TECPR2: variants seen among roughly 807,000 people sequenced by gnomAD.
The protein encoded by TECPR2 is tectonin beta-propeller repeat-containing protein 2.
TECPR2 carries 65 observed loss-of-function variants against 138.1 expected under a neutral mutation model. That is an observed-to-expected ratio of 0.47 (90% CI 0.39 to 0.58). The LOEUF (loss-of-function observed/expected upper bound fraction) is 0.58, where lower values mean the gene tolerates loss of function less well. TECPR2 is among the 20% of genes least tolerant of loss of function. TECPR2 has a pLI of 0.00. For missense variants in TECPR2, 1,553 were observed against 1,824.5 expected, an observed-to-expected ratio of 0.85 and a Z score of 2.71; for synonymous variants, 746 against 749.8, an observed-to-expected ratio of 0.99 and a Z score of 0.08.
At chr14:102,400,832 GACT>G (rs1316040222) in intron 2 of TECPR2, among the ~76,000 whole-genome samples, 3 of 151,874 alleles carry the variant, frequency 2.0e-5, no homozygotes, top group Non-Finnish European at 4.4e-5. Context: ...AGGAGTTCAA[GACT>G]AGCCTGGCCA....
intron 17 of TECPR2, among the ~76,000 whole-genome samples, chr14:102,493,068 C>T (rs1417593375): frequency 6.6e-6 from 1 of 152,272 alleles, no homozygotes; most frequent in Non-Finnish European, 1.5e-5. Flanking sequence ...TATCTGGAGA[C>T]CCCTCAGAGA....
rs570977702 is a variant in TECPR2, at chr14:102,496,472, G to A, written c.3790-507G>A. 5.1e-4 allele frequency among the ~76,000 whole-genome samples: 78 copies of A among 152,346 alleles called. No individual in the cohort carries two copies. In the Middle Eastern group the frequency reaches 0.014, roughly 27 times the overall value. Reference sequence around the variant, plus strand: ...GGCTGCCCAAGGACCAGGGCAGGGCGGCAGTCTTGTGCCGCGGCCTGGTCA... The same window carrying A: ...GGCTGCCCAAGGACCAGGGCAGGGCAGCAGTCTTGTGCCGCGGCCTGGTCA... On this transcript the variant is annotated intron_variant, in intron 17 of 19. Coordinates refer to ENST00000359520, the MANE Select transcript of TECPR2 (RefSeq NM_014844.5).
chr14:102,435,385 T>C (rs1889637474), intron 9 of TECPR2, among the ~76,000 whole-genome samples, 174 bp downstream of exon 9: 1 of 152,230 alleles, frequency 6.6e-6, no homozygotes, highest in South Asian at 2.1e-4. Context: ...ACAGGGACTA[T>C]GAATGGCTTG....
Position 102,449,633 on chromosome 14 carries a change from G to A in TECPR2, c.3080G>A (p.Ser1027Asn), listed in dbSNP as rs1567347061. Reference protein sequence around the residue: ...QGDDDHWWQVSITDYVVFDQC... With the variant: ...QGDDDHWWQVNITDYVVFDQC... ...TTGCTTGTCTCCTCCTTCCAGGTGA[G>A]CATCACGGACTATGTGGTGTTTGAC... The change falls in exon 14 of 20, where the codon AGC becomes AAC. Residue 1027 changes from serine to asparagine, a missense_variant. By Grantham distance (46) the Ser-to-Asn change is conservative. Transcript: ENST00000359520. The A allele has an allele frequency of 1.9e-6, 3 of 1,614,060 alleles. No individual in the cohort carries two copies. In the East Asian group the frequency reaches 6.7e-5, roughly 36 times the overall value.
Position 102,484,201 on chromosome 14 carries a change from T to C in TECPR2, c.3790-12778T>C, listed in dbSNP as rs145730376. 2.6e-5 allele frequency among the ~76,000 whole-genome samples: 4 copies of C among 152,266 alleles called. No homozygotes were observed. The East Asian group carries it at 7.7e-4, about 29-fold the overall frequency. On this transcript the variant is annotated intron_variant, in intron 17 of 19. Transcript: ENST00000359520. Reference sequence around the variant, plus strand: ...TTTTATCCTGCTTTCTAGAAGACATTCTCAACCTTATTTCTCCAACCCTCT... The same window carrying C: ...TTTTATCCTGCTTTCTAGAAGACATCCTCAACCTTATTTCTCCAACCCTCT...
intron 6 of TECPR2, among the ~76,000 whole-genome samples, chr14:102,426,048 C>T (rs1467329536): frequency 1.3e-5 from 2 of 151,148 alleles, no homozygotes; most frequent in Non-Finnish European, 2.9e-5. Context: ...CCACGCCTGG[C>T]TAATTTTTTT....
intron 16 of TECPR2, among the ~76,000 whole-genome samples, chr14:102,453,104 TAGG>T (rs1890189423): frequency 1.3e-5 from 2 of 152,320 alleles, no homozygotes; most frequent in South Asian, 4.1e-4. Flanking sequence ...CAGCCAGATA[TAGG>T]AGGACCTGCA....
intron 2 of TECPR2, among the ~76,000 whole-genome samples, chr14:102,389,140 A>AAAAT (rs1007638402): frequency 4.0e-5 from 6 of 150,522 alleles, no homozygotes; most frequent in African/African-American, 9.8e-5. Flanking sequence ...CAAAAAAATA[A>AAAAT]AAATAAATAA....
At chr14:102,481,664 A>G (rs1234731106) in intron 17 of TECPR2, among the ~76,000 whole-genome samples, 1 of 152,214 alleles carries the variant, frequency 6.6e-6, no homozygotes, top group Non-Finnish European at 1.5e-5. Flanking sequence ...AGTGGGTTCT[A>G]TAAGATGTGC....
chr14:102,388,594 C>T (rs564901273), intron 2 of TECPR2, among the ~76,000 whole-genome samples: 6 of 151,558 alleles, frequency 4.0e-5, no homozygotes, highest in South Asian at 4.2e-4. Flanking sequence ...TTTGGGAGGC[C>T]GAGGCAGGAG....
chr14:102,401,345 A>C lies in TECPR2; in HGVS notation c.220-5993A>C, dbSNP rs540124072. ...TCCCAGCTACCCAGGAGGCTGAGGCAGGAGAAATGCTTGAACCTGGGTGAC... is the reference window on the plus strand; with the variant it reads ...TCCCAGCTACCCAGGAGGCTGAGGCCGGAGAAATGCTTGAACCTGGGTGAC... On this transcript the variant is annotated intron_variant, in intron 2 of 19. Transcript: ENST00000359520. Among the ~76,000 whole-genome samples the C allele has an allele frequency of 5.4e-4, 81 of 150,492 alleles. 1 individual carries two copies. The Middle Eastern group carries it at 0.024, about 45-fold the overall frequency.
intron 17 of TECPR2, among the ~76,000 whole-genome samples, chr14:102,484,180 A>T (rs1344396422): frequency 6.6e-6 from 1 of 151,916 alleles, no homozygotes; most frequent in African/African-American, 2.4e-5. Context: ...TTATGCTTTT[A>T]TCCTGCTTTC....
intron 10 of TECPR2, among the ~76,000 whole-genome samples, chr14:102,440,095 G>A (rs144170971): frequency 2.0e-5 from 3 of 152,200 alleles, no homozygotes; most frequent in Non-Finnish European, 2.9e-5. Context: ...TTCTCCTCCC[G>A]TGTGAGGAGC....
chr14:102,400,683 C>T (rs1037305332), intron 2 of TECPR2, among the ~76,000 whole-genome samples: 2 of 152,100 alleles, frequency 1.3e-5, no homozygotes, highest in Admixed American at 6.5e-5. Flanking sequence ...ATCAACTAAA[C>T]ACAGGAGTAG....
At chr14:102,416,880 A>G (rs1339987211) in intron 5 of TECPR2, among the ~76,000 whole-genome samples, 10 of 152,322 alleles carry the variant, frequency 6.6e-5, no homozygotes. Context: ...GCTACTCAGG[A>G]GGCTGAGGCA....
intron 16 of TECPR2, among the ~76,000 whole-genome samples, chr14:102,458,019 C>T (rs1339986586): frequency 6.6e-6 from 1 of 151,830 alleles, no homozygotes; most frequent in East Asian, 1.9e-4. Flanking sequence ...GATTACAGGC[C>T]TGTGCCACCC....
chr14:102,501,512 A>T lies in TECPR2; in HGVS notation c.*3255A>T, dbSNP rs1327815110. ...AACTATGATCACACCACTGCACTCC[A>T]GCCTCGGCGACAGAGCAAGACCTTG... On this transcript the variant is annotated 3_prime_UTR_variant, in exon 20 of 20. Coordinates refer to ENST00000359520, the MANE Select transcript of TECPR2 (RefSeq NM_014844.5). The T allele has an allele frequency of 1.3e-5, 2 of 152,240 alleles. No individual in the cohort carries two copies. The highest frequency in any genetic ancestry group is 2.9e-5 in the Non-Finnish European group (2 of 68,036). The allele number at this position is 152,240 out of a possible 1,614,324, so 9.4% of individuals were successfully genotyped here.
intron 17 of TECPR2, among the ~76,000 whole-genome samples, chr14:102,483,150 C>A: frequency 6.6e-6 from 1 of 152,068 alleles, no homozygotes; most frequent in Middle Eastern, 3.2e-3. Context: ...CTCGCCCGGC[C>A]CAGAAGCCGT....
chr14:102,463,043 C>T (rs1204862128), intron 16 of TECPR2, among the ~76,000 whole-genome samples: 1 of 152,216 alleles, frequency 6.6e-6, no homozygotes, highest in Non-Finnish European at 1.5e-5. Context: ...GGAAAAGGTT[C>T]AGGGGTGCGG....
Sources: gnomAD v4.1 joint callset for allele counts (sites outside exome capture counted in the v4.1 genomes callset) on GRCh38, gnomAD v4.1.1 for gene constraint, MANE v1.5 for transcripts, NCBI Gene and HGNC (gene_info 2026-07-23, HGNC 2026-07-21) for gene names.